SLC30A9: variants seen among roughly 807,000 people sequenced by gnomAD.
SLC30A9 encodes solute carrier family 30 member 9.
In SLC30A9, 58 loss-of-function variants were observed where a neutral mutation model predicts 87.5. That is an observed-to-expected ratio of 0.66 (90% confidence interval 0.54 to 0.82). The LOEUF is 0.82. Among genes scored for constraint, SLC30A9 ranks in the 40% least tolerant of loss-of-function variants. SLC30A9 has a pLI of 0.00. For missense variants in SLC30A9, 557 were observed against 679.1 expected, an observed-to-expected ratio of 0.82 and a Z score of 2.00; for synonymous variants, 234 against 233.0, an observed-to-expected ratio of 1.00 and a Z score of -0.04.
intron 7 of SLC30A9, among the ~76,000 whole-genome samples, chr4:42,038,093 G>A (rs1368004398): frequency 6.6e-6 from 1 of 152,070 alleles, no homozygotes; most frequent in Non-Finnish European, 1.5e-5. Flanking sequence ...TTTTTGAGTA[G>A]CTTTTACAGG....
At chr4:42,022,730 TA>T in intron 4 of SLC30A9, 107 bp from the exon 5 acceptor site, 1 of 524,852 alleles carries the variant, frequency 1.9e-6, no homozygotes, top group Non-Finnish European at 3.4e-6. Flanking sequence ...AATATTTCTC[TA>T]AGATGGGGAT....
chr4:42,059,906 G>C (rs1577714551), intron 9 of SLC30A9, among the ~76,000 whole-genome samples: 1 of 152,064 alleles, frequency 6.6e-6, no homozygotes. Context: ...ACCTACTGTA[G>C]AAGTAATTTA....
intron 6 of SLC30A9, among the ~76,000 whole-genome samples, chr4:42,034,214 AC>A (rs575346438): frequency 1.3e-5 from 2 of 152,108 alleles, no homozygotes; most frequent in Non-Finnish European, 2.9e-5. Context: ...AAAGAATCTT[AC>A]CAAACTGTCT....
At chr4:42,004,460 G>A (rs1430862335) in intron 2 of SLC30A9, among the ~76,000 whole-genome samples, 1 of 151,830 alleles carries the variant, frequency 6.6e-6, no homozygotes, top group Non-Finnish European at 1.5e-5. Flanking sequence ...TTAGAAATAT[G>A]TTACATCATC....
At chr4:41,993,791 G>A (rs924388079) in intron 1 of SLC30A9, among the ~76,000 whole-genome samples, 3 of 152,170 alleles carry the variant, frequency 2.0e-5, no homozygotes, top group African/African-American at 7.2e-5. Flanking sequence ...TAGTTATGGA[G>A]AGTGGGAAAC....
Position 42,065,363 on chromosome 4 carries a change from C to A in SLC30A9, c.1072+14C>A. 1 of 1,254,580 alleles carries A rather than the reference C, an allele frequency of 8.0e-7. No homozygotes were observed. Among genetic ancestry groups the A allele is most frequent in the East Asian group, 2.3e-5 (1 of 43,144 alleles). 77.7% of individuals were successfully genotyped at this position (1,254,580 alleles called of 1,614,324 possible). The stretch of plus-strand genomic sequence containing the variant: ...TATCTGAAGGAGGTATGTACTGTCA[C>A]AAAGTATGTCTCTATTCTTAATTTA... On this transcript the variant is annotated intron_variant, in intron 12 of 17. Transcript: ENST00000264451.
chr4:42,082,172 G>A (rs1462946835), intron 17 of SLC30A9, among the ~76,000 whole-genome samples: 3 of 151,106 alleles, frequency 2.0e-5, no homozygotes, highest in Admixed American at 6.6e-5. Context: ...AGCCGAGTTC[G>A]AGCCACTGCA....
At chr4:42,015,921 A>G (rs965254276) in intron 2 of SLC30A9, among the ~76,000 whole-genome samples, 3 of 152,130 alleles carry the variant, frequency 2.0e-5, no homozygotes, top group Admixed American at 1.3e-4. Flanking sequence ...AACACAGGCA[A>G]TACAGGAAGG....
At chr4:42,000,787 C>CT (rs1339759163) in intron 1 of SLC30A9, among the ~76,000 whole-genome samples, 2 of 152,046 alleles carry the variant, frequency 1.3e-5, no homozygotes, top group Admixed American at 6.5e-5. Flanking sequence ...CTCTTAAATG[C>CT]TTAACCCTCC....
chr4:42,078,360 T>C (rs756749100), intron 17 of SLC30A9, 35 bp downstream of exon 17: 3 of 1,121,790 alleles, frequency 2.7e-6, no homozygotes, highest in Non-Finnish European at 4.0e-6. Context: ...ATAATGATAA[T>C]GGCAGCTATT....
intron 14 of SLC30A9, among the ~76,000 whole-genome samples, chr4:42,068,526 T>G (rs535157786): frequency 6.6e-6 from 1 of 152,372 alleles, no homozygotes; most frequent in South Asian, 2.1e-4. Context: ...ATTACAGGCA[T>G]GAGCCACCAC....
chr4:42,065,493 TAA>T (rs1718045233), intron 12 of SLC30A9, 144 bp downstream of exon 12: 3 of 609,314 alleles, frequency 4.9e-6, no homozygotes, highest in Non-Finnish European at 8.8e-6. Context: ...TTTTAGGGAG[TAA>T]AGTCTTTGCA....
At chr4:42,038,029 C>T (rs1184626116) in intron 7 of SLC30A9, among the ~76,000 whole-genome samples, 2 of 152,080 alleles carry the variant, frequency 1.3e-5, no homozygotes, top group Non-Finnish European at 2.9e-5. Flanking sequence ...ATCTTGGCCT[C>T]CCAAAGTGCT....
intron 1 of SLC30A9, among the ~76,000 whole-genome samples, chr4:41,991,954 C>T (rs979710995): frequency 1.1e-4 from 16 of 151,780 alleles, no homozygotes; most frequent in Admixed American, 7.2e-4. Context: ...CAGCACTATT[C>T]CCAGGGCTTT....
chr4:42,071,589 C>T (rs1440991374), intron 15 of SLC30A9, among the ~76,000 whole-genome samples: 3 of 150,632 alleles, frequency 2.0e-5, no homozygotes, highest in South Asian at 2.1e-4. Flanking sequence ...CTTGAGGCCA[C>T]GAGTTTGAGG....
At chr4:42,084,041 A>G (rs10805100) in intron 17 of SLC30A9, among the ~76,000 whole-genome samples, 99,258 of 152,050 alleles carry the variant, frequency 0.65, 36,895 homozygotes, top group East Asian at 0.96. Flanking sequence ...CCTTTAATAC[A>G]AGTAATATGC....
intron 2 of SLC30A9, among the ~76,000 whole-genome samples, chr4:42,002,878 A>G (rs186693986): frequency 1.6e-3 from 239 of 152,254 alleles, no homozygotes; most frequent in African/African-American, 5.3e-3. Flanking sequence ...CCAGCAGTGT[A>G]TTAAGTATTG....
At chr4:41,998,614 C>T (rs1031043542) in intron 1 of SLC30A9, among the ~76,000 whole-genome samples, 5 of 152,096 alleles carry the variant, frequency 3.3e-5, no homozygotes, top group Admixed American at 2.0e-4. Context: ...TAGGCGCCCA[C>T]CGCCACGTCT....
intron 1 of SLC30A9, among the ~76,000 whole-genome samples, chr4:41,999,873 A>C (rs1714902737): frequency 6.6e-6 from 1 of 152,058 alleles, no homozygotes; most frequent in African/African-American, 2.4e-5. Flanking sequence ...TAATGGTGTT[A>C]TGGTTGTGTT....
Sources: gnomAD v4.1 joint callset for allele counts (sites outside exome capture counted in the v4.1 genomes callset) on GRCh38, gnomAD v4.1.1 for gene constraint, MANE v1.5 for transcripts, NCBI Gene and HGNC (gene_info 2026-07-23, HGNC 2026-07-21) for gene names.